HS3ST4: variants seen among roughly 807,000 people sequenced by gnomAD.
HS3ST4 encodes the protein heparan sulfate-glucosamine 3-sulfotransferase 4.
In HS3ST4, 17 loss-of-function variants were observed where a neutral mutation model predicts 29.2. The ratio of observed to expected loss-of-function variants is 0.58; its 90% CI spans 0.40 to 0.87. The LOEUF is 0.87. Among genes scored for constraint, HS3ST4 ranks in the 40% least tolerant of loss-of-function variants. HS3ST4 has a pLI of 0.00. For synonymous variants in HS3ST4, 314 were observed against 285.7 expected (o/e 1.10, Z -1.00); for missense variants, 627 against 634.5 (o/e 0.99, Z 0.13).
intron 1 of HS3ST4, among the ~76,000 whole-genome samples, chr16:26,057,474 G>C (rs1596665953): frequency 6.6e-6 from 1 of 152,210 alleles, no homozygotes; most frequent in African/African-American, 2.4e-5. Context: ...GCTGGTGCAG[G>C]CTGGGCGCGG....
rs550539077 is a variant in HS3ST4 at position 26,043,423 on chromosome 16, G to A, written c.735-92189G>A. Among the ~76,000 whole-genome samples the A allele has an allele frequency of 3.9e-4, 60 of 152,320 alleles. No individual in the cohort carries two copies. In the South Asian group the frequency reaches 0.012, roughly 30 times the overall value. ...AATACTGGAAGGCTAATAGCATGGG[G>A]AAGCCAATCTTCTTGGGTTGAAATC... On this transcript the variant is annotated intron_variant, in intron 1 of 1. Transcript: ENST00000331351.
intron 1 of HS3ST4, among the ~76,000 whole-genome samples, chr16:25,845,120 G>T (rs1050517037): frequency 2.6e-5 from 4 of 152,122 alleles, no homozygotes; most frequent in African/African-American, 4.8e-5. Context: ...TAGGTGATGG[G>T]TTGATAGGTG....
Position 26,133,472 on chromosome 16 carries a change from G to A in HS3ST4, c.735-2140G>A, listed in dbSNP as rs373172885. ...AAATTGATCTGTTGAGAACCAAACA[G>A]ACACACACAAAGGCATTCAAACTAC... On this transcript the variant is annotated intron_variant, in intron 1 of 1. Transcript: ENST00000331351. Among the ~76,000 whole-genome samples, 77 of 152,276 alleles carry A rather than the reference G, an allele frequency of 5.1e-4. 1 individual carries two copies. The South Asian group carries it at 0.016, about 31-fold the overall frequency.
intron 1 of HS3ST4, among the ~76,000 whole-genome samples, chr16:25,740,752 C>G (rs1164650081): frequency 2.0e-5 from 3 of 152,196 alleles, no homozygotes; most frequent in Non-Finnish European, 2.9e-5. Context: ...GAAACTGAGG[C>G]TCAGCGAGAT....
intron 1 of HS3ST4, among the ~76,000 whole-genome samples, chr16:26,017,866 T>C (rs1443077412): frequency 6.6e-6 from 1 of 152,062 alleles, no homozygotes; most frequent in East Asian, 1.9e-4. Context: ...ATGGTACCAA[T>C]GGGAGATTTG....
chr16:25,748,543 A>G (rs1434511818), intron 1 of HS3ST4, among the ~76,000 whole-genome samples: 1 of 152,210 alleles, frequency 6.6e-6, no homozygotes, highest in African/African-American at 2.4e-5. Context: ...CTCAGAATCA[A>G]AAAGCTCCAT....
intron 1 of HS3ST4, among the ~76,000 whole-genome samples, chr16:25,896,158 C>T (rs564063452): frequency 6.6e-5 from 10 of 152,278 alleles, no homozygotes; most frequent in African/African-American, 2.4e-4. Context: ...GTTACTTCTA[C>T]CACAAACATG....
intron 1 of HS3ST4, among the ~76,000 whole-genome samples, chr16:25,771,558 A>C (rs1189949779): frequency 1.3e-5 from 2 of 152,048 alleles, no homozygotes; most frequent in Non-Finnish European, 2.9e-5. Context: ...TTACTATGGG[A>C]AGCCTTCCTT....
At chr16:25,968,328 G>A (rs192261034) in intron 1 of HS3ST4, among the ~76,000 whole-genome samples, 18 of 152,236 alleles carry the variant, frequency 1.2e-4, no homozygotes, top group Admixed American at 3.3e-4. Context: ...CCTAAAATCC[G>A]GATGTCTGGT....
At chr16:26,026,164 C>T (rs1969470499) in intron 1 of HS3ST4, among the ~76,000 whole-genome samples, 2 of 152,222 alleles carry the variant, frequency 1.3e-5, no homozygotes, top group Admixed American at 6.5e-5. Context: ...GCCTCAGCCT[C>T]CCAAAGTGCT....
At chr16:26,111,662 A>T (rs1271809812) in intron 1 of HS3ST4, among the ~76,000 whole-genome samples, 1 of 152,102 alleles carries the variant, frequency 6.6e-6, no homozygotes, top group Non-Finnish European at 1.5e-5. Flanking sequence ...TTTTCTTTTA[A>T]ACTGAACACA....
intron 1 of HS3ST4, among the ~76,000 whole-genome samples, chr16:25,874,255 G>A (rs984458341): frequency 6.6e-6 from 1 of 152,092 alleles, no homozygotes; most frequent in Admixed American, 6.6e-5. Flanking sequence ...TTTGATCTGG[G>A]CTCCAAACAA....
At chr16:25,829,973 A>G (rs1047861403) in intron 1 of HS3ST4, among the ~76,000 whole-genome samples, 1 of 152,036 alleles carries the variant, frequency 6.6e-6, no homozygotes. Flanking sequence ...ACAGGCACAC[A>G]CCACCACGCC....
intron 1 of HS3ST4, among the ~76,000 whole-genome samples, chr16:25,828,306 CTCTCT>C (rs1567249549): frequency 5.5e-5 from 3 of 54,276 alleles, no homozygotes; most frequent in Non-Finnish European, 3.4e-5. Flanking sequence ...CTTTCCCTCT[CTCTCT>C]CTCTCTCTCT....
chr16:25,833,625 T>C (rs947876227), intron 1 of HS3ST4, among the ~76,000 whole-genome samples: 1 of 152,310 alleles, frequency 6.6e-6, no homozygotes, highest in Middle Eastern at 3.4e-3. Flanking sequence ...CATATACTTC[T>C]GTGAACATGA....
chr16:25,752,166 G>T (rs1374943272), intron 1 of HS3ST4, among the ~76,000 whole-genome samples: 1 of 152,164 alleles, frequency 6.6e-6, no homozygotes, highest in East Asian at 1.9e-4. Context: ...TTTCATGACA[G>T]ACTCTGGGGT....
intron 1 of HS3ST4, among the ~76,000 whole-genome samples, chr16:25,757,916 TG>T (rs1159960375): frequency 6.6e-6 from 1 of 152,116 alleles, no homozygotes; most frequent in Non-Finnish European, 1.5e-5. Context: ...TTTATGTTCC[TG>T]GGTTGGGCCT....
intron 1 of HS3ST4, among the ~76,000 whole-genome samples, chr16:25,921,450 G>A (rs574380354): frequency 6.6e-6 from 1 of 152,328 alleles, no homozygotes; most frequent in Non-Finnish European, 1.5e-5. Context: ...AAGCCACAAA[G>A]TCAGGCTTGG....
At chr16:26,033,061 C>T (rs1034163269) in intron 1 of HS3ST4, among the ~76,000 whole-genome samples, 2 of 152,192 alleles carry the variant, frequency 1.3e-5, no homozygotes, top group African/African-American at 2.4e-5. Flanking sequence ...AAGACCTGAA[C>T]GACAGACTGC....
Sources: allele counts gnomAD v4.1 joint callset (sites outside exome capture counted in the v4.1 genomes callset), GRCh38; gene constraint gnomAD v4.1.1; transcripts MANE v1.5; gene names NCBI Gene and HGNC (gene_info 2026-07-23, HGNC 2026-07-21).